The following TMCO5A variants were observed in gnomAD, a reference collection of about 807,000 sequenced individuals.
The protein encoded by TMCO5A is transmembrane and coiled-coil domain-containing protein 5A.
In TMCO5A, 34 loss-of-function variants were observed where a neutral mutation model predicts 42.3. The ratio of observed to expected loss-of-function variants is 0.80; its 90% CI spans 0.61 to 1.07. The LOEUF is 1.07. Among genes scored for constraint, TMCO5A ranks in the 50% least tolerant of loss-of-function variants. The probability of loss-of-function intolerance (pLI) is 0.00; values close to 1 mark genes in which losing one functional copy is unlikely to be tolerated. For missense variants in TMCO5A, 357 were observed against 327.9 expected, an observed-to-expected ratio of 1.09 and a Z score of -0.69; for synonymous variants, 131 against 115.6, an observed-to-expected ratio of 1.13 and a Z score of -0.86.
chr15:37,952,595 G>A (rs1890187520), downstream of TMCO5A, among the ~76,000 whole-genome samples: 1 of 152,186 alleles, frequency 6.6e-6, no homozygotes, highest in Admixed American at 6.6e-5. Context: ...AGGGCTTTAG[G>A]TGAGACCCTG....
intron 11 of TMCO5A, among the ~76,000 whole-genome samples, chr15:37,949,350 C>A (rs961393413): frequency 1.3e-5 from 2 of 152,062 alleles, no homozygotes; most frequent in African/African-American, 4.8e-5. Flanking sequence ...TAAAATAATT[C>A]TAAAATATAC....
At chr15:37,984,857 T>A in the TMCO5A span, 5 of 152,030 alleles carry the variant, frequency 3.3e-5, no homozygotes, top group African/African-American at 1.2e-4. Flanking sequence ...CTGTTGTTTA[T>A]AACTCACCCT....
downstream of TMCO5A, among the ~76,000 whole-genome samples, chr15:37,968,757 A>T (rs2140828319): frequency 6.6e-6 from 1 of 151,760 alleles, no homozygotes; most frequent in East Asian, 1.9e-4. Flanking sequence ...TAATTTTTGT[A>T]TTTCTAGTAG....
chr15:38,009,771 G>C, the TMCO5A span, among the ~76,000 whole-genome samples: 3 of 152,160 alleles, frequency 2.0e-5, no homozygotes, highest in Non-Finnish European at 4.4e-5. Flanking sequence ...AGCTCTCTGA[G>C]ACTCCATTTC....
At chr15:38,005,939 T>A in the TMCO5A span, among the ~76,000 whole-genome samples, 152 of 152,246 alleles carry the variant, frequency 1.0e-3, no homozygotes, top group African/African-American at 3.6e-3. Flanking sequence ...GGCTGAACAT[T>A]AGGAACAAAC....
chr15:37,946,346 G>T (rs1480562958), intron 10 of TMCO5A, among the ~76,000 whole-genome samples: 6 of 151,966 alleles, frequency 3.9e-5, no homozygotes. Flanking sequence ...GGCTATTAGG[G>T]CTCTTTTTGG....
chr15:37,977,203 T>C, the TMCO5A span, among the ~76,000 whole-genome samples: 3 of 152,254 alleles, frequency 2.0e-5, no homozygotes, highest in Admixed American at 1.3e-4. Flanking sequence ...ATATTCTGAA[T>C]TCTATGTCTG....
At chr15:37,952,107 T>G (rs2140289753), downstream of TMCO5A, among the ~76,000 whole-genome samples, 1 of 152,306 alleles carries the variant, frequency 6.6e-6, no homozygotes, top group African/African-American at 2.4e-5. Context: ...TGTCGGAATT[T>G]AAGTTTCTGC....
At chr15:37,979,126 T>C in the TMCO5A span, among the ~76,000 whole-genome samples, 1 of 151,998 alleles carries the variant, frequency 6.6e-6, no homozygotes, top group East Asian at 1.9e-4. Context: ...ACATAAGATT[T>C]GGGCAGGGAC....
At chr15:37,995,700 C>CGTG in the TMCO5A span, among the ~76,000 whole-genome samples, 1 of 152,094 alleles carries the variant, frequency 6.6e-6, no homozygotes, top group African/African-American at 2.4e-5. Context: ...CCTTAGGATC[C>CGTG]CAGCACTATA....
the TMCO5A span, chr15:38,020,206 T>C: frequency 2.6e-5 from 4 of 152,240 alleles, no homozygotes; most frequent in Middle Eastern, 3.4e-3. Context: ...GGAGTCTCCC[T>C]GTGTTGCCCA....
chr15:37,961,944 T>G (rs1890438057), intron 11 of TMCO5A, among the ~76,000 whole-genome samples: 1 of 151,838 alleles, frequency 6.6e-6, no homozygotes, highest in African/African-American at 2.4e-5. Context: ...TCTGGAGGAG[T>G]CTTTAGGGTT....
chr15:37,941,537 C>G (rs1254206552), intron 7 of TMCO5A, 134 bp from the exon 8 acceptor site: 2 of 741,098 alleles, frequency 2.7e-6, no homozygotes. Flanking sequence ...TTTATCTGTA[C>G]AGCAAAAAAG....
chr15:37,946,868 G>A (rs1889983242), intron 10 of TMCO5A, among the ~76,000 whole-genome samples: 1 of 152,026 alleles, frequency 6.6e-6, no homozygotes, highest in Non-Finnish European at 1.5e-5. Context: ...TGATTGCCCT[G>A]GCCAGAACTT....
the TMCO5A span, among the ~76,000 whole-genome samples, chr15:37,981,586 G>A: frequency 6.6e-6 from 1 of 152,326 alleles, no homozygotes; most frequent in East Asian, 1.9e-4. Context: ...GGAGACCGGG[G>A]TTGGGAGGAT....
the TMCO5A span, among the ~76,000 whole-genome samples, chr15:37,982,820 A>G: frequency 6.8e-6 from 1 of 147,804 alleles, no homozygotes; most frequent in Non-Finnish European, 1.5e-5. Flanking sequence ...TTTCATATAT[A>G]TATGTGTGTG....
chr15:37,951,156 CAGG>C lies in TMCO5A; in HGVS notation c.792_794del (p.Arg264del). The C allele has an allele frequency of 6.2e-7, 1 of 1,613,668 alleles. No individual in the cohort carries two copies. Among genetic ancestry groups the C allele is most frequent in the Non-Finnish European group, 8.5e-7 (1 of 1,179,854 alleles). ...TCAATGTACTGCCCAAGGTACTGGGCAGGAGCACCTTGTGGAAGCTCAGATGCT... is the reference window on the plus strand; with the variant it reads ...TCAATGTACTGCCCAAGGTACTGGGCAGCACCTTGTGGAAGCTCAGATGCT... On this transcript the variant is annotated inframe_deletion, in exon 12 of 12. Transcript: ENST00000319669.
chr15:37,936,431 C>G lies in TMCO5A; in HGVS notation c.108C>G (p.Leu36=). 1 of 1,612,938 alleles carries G rather than the reference C, an allele frequency of 6.2e-7. No individual in the cohort carries two copies. The highest frequency in any genetic ancestry group is 8.5e-7 in the Non-Finnish European group (1 of 1,179,394). The change falls in exon 3 of 12, where the codon CTC becomes CTG. Residue 36 remains leucine, a synonymous_variant. Transcript: ENST00000319669. The part of the protein sequence containing the change: ...RIDEANQKLL[L]KIQEREDKIQ... ...ATGAAGCAAATCAGAAACTTCTTCT[C>G]AAAATCCAAGAGAGGGAAGATAAGA...
At chr15:37,942,401 G>A (rs1284262215) in intron 9 of TMCO5A, 146 bp downstream of exon 9, 1 of 695,378 alleles carries the variant, frequency 1.4e-6, no homozygotes, top group Non-Finnish European at 2.5e-6. Flanking sequence ...TGATCTGGTT[G>A]ACCCCAGTAG....
Sources: allele counts gnomAD v4.1 joint callset (sites outside exome capture counted in the v4.1 genomes callset), GRCh38; gene constraint gnomAD v4.1.1; transcripts MANE v1.5; gene names NCBI Gene and HGNC (gene_info 2026-07-23, HGNC 2026-07-21).